CATSPERE: variants seen among roughly 807,000 people sequenced by gnomAD.
CATSPERE encodes cation channel sperm-associated auxiliary subunit epsilon.
Under a neutral mutation model 114.1 loss-of-function variants are expected in CATSPERE, and 93 were observed. The observed-to-expected ratio is 0.81, with a 90% CI of 0.69 to 0.97. CATSPERE has a LOEUF of 0.97. Ranked by LOEUF, CATSPERE falls within the 50% of genes least tolerant of loss-of-function variation. The pLI, the probability that CATSPERE is intolerant of heterozygous loss-of-function variation, is 0.00. For synonymous variants in CATSPERE, 341 were observed against 384.1 expected, an observed-to-expected ratio of 0.89 and a Z score of 1.31; for missense variants, 1,058 against 1,131.6, an observed-to-expected ratio of 0.93 and a Z score of 0.93.
upstream of CATSPERE, among the ~76,000 whole-genome samples, chr1:244,454,193 G>C (rs1665907471): frequency 6.6e-6 from 1 of 152,170 alleles, no homozygotes; most frequent in Admixed American, 6.5e-5. Flanking sequence ...CAACAGGCCT[G>C]TCTCGGGGTG....
intron 2 of CATSPERE, among the ~76,000 whole-genome samples, chr1:244,476,476 T>C (rs1558326790): frequency 1.3e-5 from 2 of 152,164 alleles, no homozygotes; most frequent in Admixed American, 1.3e-4. Context: ...TCTATCAAAT[T>C]TTGCTTATTA....
chr1:244,631,354 A>C (rs761307024), intron 20 of CATSPERE, among the ~76,000 whole-genome samples: 23 of 152,090 alleles, frequency 1.5e-4, no homozygotes, highest in Non-Finnish European at 2.9e-4. Flanking sequence ...AACTCATAGA[A>C]GATAACTAAC....
intron 9 of CATSPERE, among the ~76,000 whole-genome samples, chr1:244,558,753 C>T (rs1662085278): frequency 6.6e-6 from 1 of 152,174 alleles, no homozygotes; most frequent in African/African-American, 2.4e-5. Flanking sequence ...CTCCTGCCCA[C>T]TCTGCACTCC....
chr1:244,572,230 G>T, intron 10 of CATSPERE, 100 bp from the exon 11 acceptor site: 1 of 656,894 alleles, frequency 1.5e-6, no homozygotes. Flanking sequence ...GAAAATACTC[G>T]GTCATTATCA....
At chr1:244,591,204 C>T (rs1202023239) in intron 14 of CATSPERE, among the ~76,000 whole-genome samples, 1 of 151,024 alleles carries the variant, frequency 6.6e-6, no homozygotes, top group African/African-American at 2.4e-5. Flanking sequence ...ACATTGTGGA[C>T]TGACTGAATC....
Position 244,572,581 on chromosome 1 carries a change from G to A in CATSPERE, c.1759G>A (p.Ala587Thr), listed in dbSNP as rs1443754395. 32 of 1,613,958 alleles carry A rather than the reference G, an allele frequency of 2.0e-5. No individual in the cohort carries two copies. Among genetic ancestry groups the A allele is most frequent in the Non-Finnish European group, 2.7e-5 (32 of 1,179,996 alleles). The change falls in exon 11 of 22, where the codon GCA becomes ACA. Residue 587 changes from alanine to threonine, a missense_variant. Coordinates refer to ENST00000366534, the MANE Select transcript of CATSPERE (RefSeq NM_001130957.2). Reference protein sequence around the residue: ...FTTKDKCPYMAFHNNVAHVFY... With the variant: ...FTTKDKCPYMTFHNNVAHVFY... ...AACAAAAGACAAATGCCCATACATG[G>A]CATTTCATAACAATGTTGCTCATGT...
At chr1:244,581,700 T>C (rs1666200005) in intron 11 of CATSPERE, 96 bp from the exon 12 acceptor site, 1 of 587,474 alleles carries the variant, frequency 1.7e-6, no homozygotes, top group Non-Finnish European at 3.1e-6. Context: ...TGAAGGCATT[T>C]TACATGCCTA....
chr1:244,500,433 G>A (rs1558381479), intron 7 of CATSPERE, among the ~76,000 whole-genome samples: 1 of 152,132 alleles, frequency 6.6e-6, no homozygotes, highest in Non-Finnish European at 1.5e-5. Context: ...CCTATATCCT[G>A]AATGGTATTG....
At chr1:244,513,978 A>G (rs186605145) in intron 7 of CATSPERE, among the ~76,000 whole-genome samples, 252 of 152,296 alleles carry the variant, frequency 1.7e-3, no homozygotes, top group African/African-American at 5.2e-3. Flanking sequence ...TAAGTTTTCT[A>G]TATATTCTGG....
intron 21 of CATSPERE, 27 bp downstream of exon 21, chr1:244,635,569 T>C (rs1325429889): frequency 6.4e-7 from 1 of 1,565,088 alleles, no homozygotes; most frequent in Non-Finnish European, 8.8e-7. Context: ...AACTGGACTT[T>C]AATTAGGGAA....
At chr1:244,496,154 C>T (rs1257028528) in intron 6 of CATSPERE, among the ~76,000 whole-genome samples, 1 of 152,114 alleles carries the variant, frequency 6.6e-6, no homozygotes, top group Non-Finnish European at 1.5e-5. Flanking sequence ...AGAAACCAAT[C>T]GTTTAAACTA....
At position 244,640,188 on chromosome 1, in the gene CATSPERE, C is replaced by CATA. The variant is rs1553397763; in HGVS notation, c.*107_*108insATA. On this transcript the variant is annotated 3_prime_UTR_variant, in exon 22 of 22. Transcript: ENST00000366534. ...GACCAAGAAATACTAAATATAAGCT[C>CATA]GTAGTAGGCATCACCAAATTCAAGA... is the stretch of plus-strand genomic sequence containing the variant. The CATA allele has an allele frequency of 3.2e-4, 240 of 744,064 alleles. No homozygotes were observed. Among genetic ancestry groups the CATA allele is most frequent in the Admixed American group, 2.8e-3 (86 of 30,530 alleles). The allele number at this position is 744,064 out of a possible 1,614,324, so 46.1% of individuals were successfully genotyped here.
At chr1:244,489,450 ATTTTTTTTTTTTTTT>A (rs10524749) in intron 5 of CATSPERE, among the ~76,000 whole-genome samples, 15 of 85,570 alleles carry the variant, frequency 1.8e-4, no homozygotes, top group Admixed American at 6.6e-4. Flanking sequence ...AAGCATGCAG[ATTTTTTTTTTTTTTT>A]TTTTTTTTTT....
At chr1:244,563,778 G>A (rs76768086) in intron 10 of CATSPERE, among the ~76,000 whole-genome samples, 30,058 of 151,992 alleles carry the variant, frequency 0.2, 4,455 homozygotes, top group East Asian at 0.41. Context: ...CCCATTTGTC[G>A]ATTTTGGCTA....
At chr1:244,535,639 G>T (rs1680276757) in intron 8 of CATSPERE, among the ~76,000 whole-genome samples, 1 of 152,100 alleles carries the variant, frequency 6.6e-6, no homozygotes, top group Non-Finnish European at 1.5e-5. Flanking sequence ...CCAGGCTGGG[G>T]ACTCACCTTT....
chr1:244,485,190 C>CT (rs1201642662), intron 5 of CATSPERE, among the ~76,000 whole-genome samples: 11 of 140,994 alleles, frequency 7.8e-5, no homozygotes, highest in South Asian at 4.5e-4. Flanking sequence ...CTTTTTTTTT[C>CT]TTTTTTTTTG....
rs1558522115 is a variant in CATSPERE, at chr1:244,573,447, A to AAAACAAAACAAAAC, written c.1950+677_1950+678insACAAAACAAAACAA. On this transcript the variant is annotated intron_variant, in intron 11 of 21. Coordinates refer to ENST00000366534, the MANE Select transcript of CATSPERE (RefSeq NM_001130957.2). The surrounding 1 kb of genome is among the most constrained non-coding windows in gnomAD (Gnocchi z 4.0). The stretch of plus-strand genomic sequence containing the variant: ...CAAAACAAAACAAAACAAAACAAAA[A>AAAACAAAACAAAAC]AACCAATTCTATCCGTCAATAGTTT... Among the ~76,000 whole-genome samples, 5 of 125,760 alleles carry AAAACAAAACAAAAC rather than the reference A, an allele frequency of 4.0e-5. No individual in the cohort carries two copies. Among genetic ancestry groups the AAAACAAAACAAAAC allele is most frequent in the African/African-American group, 1.3e-4 (4 of 30,896 alleles). The allele number at this position is 125,760 out of a possible 152,430, so 82.5% of individuals were successfully genotyped here. A position where few individuals can be genotyped will look rare whatever the true frequency, so the allele number is the denominator to read the frequency against.
In CATSPERE at chr1:244,461,307, G is replaced by C. The variant is rs976081617; in HGVS notation, c.-123G>C. On this transcript the variant is annotated 5_prime_UTR_variant, in exon 1 of 22. Coordinates refer to ENST00000366534, the MANE Select transcript of CATSPERE (RefSeq NM_001130957.2). ...CCTCGCTGGTCTTCAGGCCCGGCCC[G>C]CCCTGTCCAGAGGCGCCGGGACCCA... 8 of 818,670 alleles carry C rather than the reference G, an allele frequency of 9.8e-6. No homozygotes were observed. In the African/African-American group the frequency reaches 1.2e-4, roughly 13 times the overall value. The allele number at this position is 818,670 out of a possible 1,614,324, so 50.7% of individuals were successfully genotyped here. A position where few individuals can be genotyped will look rare whatever the true frequency, so the allele number is the denominator to read the frequency against.
At chr1:244,553,648 C>CATAT (rs141132549) in intron 9 of CATSPERE, among the ~76,000 whole-genome samples, 2 of 109,730 alleles carry the variant, frequency 1.8e-5, no homozygotes, top group East Asian at 2.2e-4. Context: ...CACACACATA[C>CATAT]ATATATATAT....
Sources: allele counts gnomAD v4.1 joint callset (sites outside exome capture counted in the v4.1 genomes callset), GRCh38; gene constraint gnomAD v4.1.1; non-coding constraint Gnocchi (gnomAD v3.1); transcripts MANE v1.5; gene names NCBI Gene and HGNC (gene_info 2026-07-23, HGNC 2026-07-21).